Variants in HIPK2 observed in about 807,000 individuals in gnomAD.
HIPK2 encodes the protein homeodomain interacting protein kinase 2, also known as homeodomain-interacting protein kinase 2.
HIPK2 carries 27 observed loss-of-function variants against 113.7 expected under a neutral mutation model. The observed-to-expected ratio is 0.24, with a 90% CI of 0.17 to 0.33. The LOEUF (loss-of-function observed/expected upper bound fraction) is 0.33. Ranked by LOEUF, HIPK2 falls within the 10% of genes least tolerant of loss-of-function variation. HIPK2 has a pLI of 1.00. For synonymous variants in HIPK2, 631 were observed against 642.2 expected (o/e 0.98, Z 0.26); for missense variants, 1,257 against 1,588.0 (o/e 0.79, Z 3.54).
rs1488865383 is a variant in HIPK2, at chr7:139,777,794, G to A, written c.-171C>T. ...GCCTCCCGTGGCCGGCGCCGGGGGA[G>A]GGGGCCGGGCGCGCCGCCGCCGCCG... On this transcript the variant is annotated 5_prime_UTR_variant, in exon 1 of 15. Transcript: ENST00000406875. 1 of 490,854 alleles carries A rather than the reference G, an allele frequency of 2.0e-6. No homozygotes were observed. Among genetic ancestry groups the A allele is most frequent in the African/African-American group, 2.1e-5 (1 of 47,006 alleles). 30.4% of individuals were successfully genotyped at this position (490,854 alleles called of 1,614,324 possible). A position where few individuals can be genotyped will look rare whatever the true frequency, so the allele number is the denominator to read the frequency against.
intron 2 of HIPK2, among the ~76,000 whole-genome samples, chr7:139,665,050 T>A (rs200598904): frequency 6.6e-6 from 1 of 151,604 alleles, no homozygotes. Flanking sequence ...TTTTTTTTTT[T>A]TTTTTTAGAC....
In HIPK2 at chr7:139,631,078, G is replaced by T; in HGVS notation, c.1347+87C>A. On this transcript the variant is annotated intron_variant, in intron 4 of 14. Transcript: ENST00000406875. The surrounding 1 kb of genome is among the most constrained non-coding windows in gnomAD (Gnocchi z 4.9). ...CCCCAGTGCCCTCATTTTGCTGACT[G>T]AATCAAAAGCTCCCCACTAATGGGT... is the stretch of plus-strand genomic sequence containing the variant. The T allele has an allele frequency of 6.7e-7, 1 of 1,491,190 alleles. No homozygotes were observed. The highest frequency in any genetic ancestry group is 9.0e-7 in the Non-Finnish European group (1 of 1,115,368). The allele number at this position is 1,491,190 out of a possible 1,614,324, so 92.4% of individuals were successfully genotyped here.
chr7:139,646,823 A>T (rs1801249903), intron 2 of HIPK2, among the ~76,000 whole-genome samples: 1 of 151,306 alleles, frequency 6.6e-6, no homozygotes, highest in Non-Finnish European at 1.5e-5. Context: ...GGAGGGAGGG[A>T]CTCTTGAGGG....
chr7:139,719,358 C>T lies in HIPK2; in HGVS notation c.20-2343G>A, dbSNP rs568049310. On this transcript the variant is annotated intron_variant, in intron 1 of 14. Coordinates refer to ENST00000406875, the MANE Select transcript of HIPK2 (RefSeq NM_022740.5). ...ATCTCAAGTGATCCACTCCCCTCAG[C>T]CTCCCAAAGTGCTGGTATTACAGGT... Among the ~76,000 whole-genome samples the T allele has an allele frequency of 7.1e-4, 108 of 152,252 alleles. 1 individual carries two copies. The highest frequency in any genetic ancestry group is 3.4e-3 in the Middle Eastern group (1 of 294).
intron 2 of HIPK2, among the ~76,000 whole-genome samples, chr7:139,680,596 A>G (rs1176607699): frequency 6.6e-6 from 1 of 152,244 alleles, no homozygotes; most frequent in Admixed American, 6.5e-5. Context: ...GATTGTGTCC[A>G]AAACTGGCTT....
chr7:139,621,551 G>A (rs1800233116), intron 6 of HIPK2, among the ~76,000 whole-genome samples: 1 of 152,242 alleles, frequency 6.6e-6, no homozygotes, highest in Non-Finnish European at 1.5e-5. Context: ...ACCAAAAAGT[G>A]TCCTTCAGAA....
chr7:139,582,997 C>G (rs767149153), intron 13 of HIPK2, among the ~76,000 whole-genome samples: 1 of 152,250 alleles, frequency 6.6e-6, no homozygotes, highest in Non-Finnish European at 1.5e-5. Flanking sequence ...TGAGAAGTAA[C>G]AGCTTCTCAC....
intron 2 of HIPK2, among the ~76,000 whole-genome samples, chr7:139,662,998 C>T (rs1425618366): frequency 6.6e-6 from 1 of 152,188 alleles, no homozygotes; most frequent in African/African-American, 2.4e-5. Context: ...ACTATCAGGG[C>T]TCTCCATCAT....
intron 2 of HIPK2, among the ~76,000 whole-genome samples, chr7:139,649,339 C>T (rs1343854156): frequency 6.6e-6 from 1 of 152,186 alleles, no homozygotes; most frequent in Non-Finnish European, 1.5e-5. Flanking sequence ...GGTGCACACC[C>T]GCAGATGCTG....
chr7:139,580,962 G>A (rs1798646830), intron 13 of HIPK2, among the ~76,000 whole-genome samples: 1 of 152,200 alleles, frequency 6.6e-6, no homozygotes, highest in African/African-American at 2.4e-5. Flanking sequence ...GCTTATGCCT[G>A]TAATCCCAGC....
Position 139,614,338 on chromosome 7 carries a change from G to A in HIPK2, c.1938C>T (p.Ala646=). Residue 646 remains alanine (A), a synonymous_variant, in exon 8 of 15, where the codon GCC becomes GCT. Coordinates refer to ENST00000406875, the MANE Select transcript of HIPK2 (RefSeq NM_022740.5). ...PLQTGTAQIC[A]RPDPFQQALI... ...GAGCTTGCTGGAACGGGTCAGGCCG[G>A]GCACAAATCTGGGCTGTTCCTGTCT... 1 of 1,575,992 alleles carries A rather than the reference G, an allele frequency of 6.3e-7. No homozygotes were observed. Among genetic ancestry groups the A allele is most frequent in the Non-Finnish European group, 8.7e-7 (1 of 1,155,382 alleles).
chr7:139,594,682 G>A (rs1799136075), intron 12 of HIPK2, among the ~76,000 whole-genome samples: 1 of 152,106 alleles, frequency 6.6e-6, no homozygotes, highest in Non-Finnish European at 1.5e-5. Context: ...GACAGCTGAA[G>A]CCTTTTGGAT....
Position 139,631,106 on chromosome 7 carries a change from A to G in HIPK2, c.1347+59T>C. 2 of 1,559,516 alleles carry G rather than the reference A, an allele frequency of 1.3e-6. No homozygotes were observed. Among genetic ancestry groups the G allele is most frequent in the Non-Finnish European group, 1.7e-6 (2 of 1,151,484 alleles). ...TCAAAAGCTCCCCACTAATGGGTCT[A>G]CGGCCCTCTTCCCTAAGCGCTGGGC... On this transcript the variant is annotated intron_variant, in intron 4 of 14. Coordinates refer to ENST00000406875, the MANE Select transcript of HIPK2 (RefSeq NM_022740.5). The surrounding 1 kb of genome is among the most constrained non-coding windows in gnomAD (Gnocchi z 4.9).
intron 1 of HIPK2, among the ~76,000 whole-genome samples, chr7:139,756,874 C>A (rs186579479): frequency 6.6e-6 from 1 of 152,202 alleles, no homozygotes; most frequent in Non-Finnish European, 1.5e-5. Flanking sequence ...CAAATCTTAG[C>A]TGATAGCACT....
At chr7:139,634,573 A>C (rs1800739908) in intron 2 of HIPK2, among the ~76,000 whole-genome samples, 1 of 151,950 alleles carries the variant, frequency 6.6e-6, no homozygotes, top group African/African-American at 2.4e-5. Flanking sequence ...TGTAACTGAT[A>C]AGATTACTGC....
Position 139,709,623 on chromosome 7 carries a change from G to A in HIPK2, c.1103+6309C>T, listed in dbSNP as rs192357650. ...ACTGAACCACCAATTCTGGCCAACC[G>A]CCTCATAAACACAGGCCCAGGTCAT... On this transcript the variant is annotated intron_variant, in intron 2 of 14. Transcript: ENST00000406875. 1.9e-3 allele frequency among the ~76,000 whole-genome samples: 292 copies of A among 152,296 alleles called. 1 individual carries two copies. The highest frequency in any genetic ancestry group is 6.8e-3 in the African/African-American group (284 of 41,550).
chr7:139,762,774 G>C (rs528719997), intron 1 of HIPK2, among the ~76,000 whole-genome samples: 2 of 152,288 alleles, frequency 1.3e-5, no homozygotes, highest in Non-Finnish European at 2.9e-5. Context: ...ATGGTAACGG[G>C]GTAGAGAACA....
At chr7:139,591,747 G>A (rs1414789765) in intron 12 of HIPK2, among the ~76,000 whole-genome samples, 1 of 152,226 alleles carries the variant, frequency 6.6e-6, no homozygotes, top group Non-Finnish European at 1.5e-5. Context: ...TTCAACTGGG[G>A]ATGTATTGTA....
At chr7:139,643,480 C>T (rs189488651) in intron 2 of HIPK2, among the ~76,000 whole-genome samples, 256 of 152,252 alleles carry the variant, frequency 1.7e-3, no homozygotes, top group African/African-American at 5.5e-3. Context: ...ATCTAACTCA[C>T]TTGTTTACAT....
Sources: gnomAD v4.1 joint callset for allele counts (sites outside exome capture counted in the v4.1 genomes callset) on GRCh38, gnomAD v4.1.1 for gene constraint, Gnocchi (gnomAD v3.1) non-coding constraint, MANE v1.5 for transcripts, NCBI Gene and HGNC (gene_info 2026-07-23, HGNC 2026-07-21) for gene names.